Variants in TTLL7 observed in about 807,000 individuals in gnomAD.
TTLL7 encodes tubulin polyglutamylase TTLL7.
In TTLL7, 53 loss-of-function variants were observed where a neutral mutation model predicts 120.2. That is an observed-to-expected ratio of 0.44 (90% CI 0.35 to 0.55). The LOEUF is 0.55. Ranked by LOEUF, TTLL7 falls within the 20% of genes least tolerant of loss-of-function variation. The probability of loss-of-function intolerance (pLI) is 0.00; values close to 1 mark genes in which losing one functional copy is unlikely to be tolerated. For missense variants in TTLL7, 803 were observed against 1,054.7 expected (o/e 0.76, Z 3.31); for synonymous variants, 353 against 351.7 (o/e 1.00, Z -0.04).
chr1:83,956,378 G>A (rs1649515206), intron 1 of TTLL7, among the ~76,000 whole-genome samples: 1 of 150,212 alleles, frequency 6.7e-6, no homozygotes, highest in South Asian at 2.1e-4. Flanking sequence ...TTTCGCCTCA[G>A]CCTTCCAAAG....
chr1:83,907,304 A>G, intron 16 of TTLL7, 152 bp downstream of exon 16: 1 of 591,828 alleles, frequency 1.7e-6, no homozygotes. Flanking sequence ...ACTAAATTGT[A>G]GGCTAAGGTA....
Position 83,906,380 on chromosome 1 carries a change from C to A in TTLL7, c.2076G>T (p.Lys692Asn). The A allele has an allele frequency of 6.2e-7, 1 of 1,612,508 alleles. No individual in the cohort carries two copies. Among genetic ancestry groups the A allele is most frequent in the Non-Finnish European group, 8.5e-7 (1 of 1,179,102 alleles). ...SQTLFVLKDM[K>N]IRFPGKSDAE... ...CATCTGACTTTCCTGGAAACCGGAT[C>A]TTCATGTCTTTGAGAACAAATAAGG... The change falls in exon 17 of 21, where the codon AAG (lysine) becomes AAT (asparagine). Residue 692 changes from lysine (K) to asparagine (N), a missense_variant. Around this residue, in one of 3 missense-constraint regions of TTLL7, gnomAD observed 388 missense variants for 450.4 expected, o/e 0.86. Coordinates refer to ENST00000260505, the MANE Select transcript of TTLL7 (RefSeq NM_024686.6).
At chr1:83,899,001 A>G (rs1656479908) in intron 18 of TTLL7, among the ~76,000 whole-genome samples, 2 of 151,874 alleles carry the variant, frequency 1.3e-5, no homozygotes, top group Non-Finnish European at 2.9e-5. Context: ...CATGATGTGT[A>G]TATTTGTTAG....
At chr1:83,935,537 GT>G (rs35567530) in intron 8 of TTLL7, among the ~76,000 whole-genome samples, 64,235 of 149,474 alleles carry the variant, frequency 0.43, 15,233 homozygotes, top group Non-Finnish European at 0.54. Flanking sequence ...AGTAAGGATA[GT>G]TTTTTTTTTA....
intron 6 of TTLL7, among the ~76,000 whole-genome samples, chr1:83,945,198 C>A (rs1011477926): frequency 6.6e-6 from 1 of 152,100 alleles, no homozygotes. Flanking sequence ...CAATAAAAGG[C>A]AGAGCTTGGC....
At chr1:83,928,965 C>G (rs544573735) in intron 10 of TTLL7, among the ~76,000 whole-genome samples, 171 bp downstream of exon 10, 1 of 150,050 alleles carries the variant, frequency 6.7e-6, no homozygotes, top group Non-Finnish European at 1.5e-5. Flanking sequence ...ATGAAAAATA[C>G]AAAATGGATG....
At chr1:83,935,059 CA>C (rs1348351296) in intron 8 of TTLL7, among the ~76,000 whole-genome samples, 3 of 152,034 alleles carry the variant, frequency 2.0e-5, no homozygotes, top group African/African-American at 7.2e-5. Context: ...CACTGTTACC[CA>C]GAACCACAAT....
In TTLL7 at chr1:83,933,712, G is replaced by C; in HGVS notation, c.943C>G (p.Arg315Gly). 6.2e-7 allele frequency: 1 copy of C among 1,613,558 alleles called. No homozygotes were observed. The highest frequency in any genetic ancestry group is 1.1e-5 in the South Asian group (1 of 91,040). ...GGAGGTTGACCAGGTCTACACATTC[G>C]ATAGGCATGCAGGACATGAGGTTCT... Reference protein sequence around the residue: ...VAEPHVLHAYRMCRPGQPPGS... With the variant: ...VAEPHVLHAYGMCRPGQPPGS... Residue 315 changes from arginine (R) to glycine (G), a missense_variant, in exon 9 of 21, where the codon CGA (arginine) becomes GGA (glycine). By Grantham distance (125) the Arg-to-Gly change is moderately radical (BLOSUM62 -2). Coordinates refer to ENST00000260505, the MANE Select transcript of TTLL7 (RefSeq NM_024686.6).
chr1:83,960,950 A>G (rs1470265480), intron 1 of TTLL7, among the ~76,000 whole-genome samples: 1 of 152,156 alleles, frequency 6.6e-6, no homozygotes, highest in African/African-American at 2.4e-5. Context: ...CCCATTACCC[A>G]AAGCTGGATC....
Position 83,948,669 on chromosome 1 carries a change from C to T in TTLL7, c.306G>A (p.Gly102=). ...CTAAGAAATCCTTCCTACAGATCTCCCCCATTCCTGGAAAATGGTTGATCC... is the reference window on the plus strand; with the variant it reads ...CTAAGAAATCCTTCCTACAGATCTCTCCCATTCCTGGAAAATGGTTGATCC... ...YQRINHFPGM[G]EICRKDFLAR... The change falls in exon 5 of 21, where the codon GGG becomes GGA. Residue 102 remains glycine (G), a synonymous_variant. Transcript: ENST00000260505. 1 of 1,610,268 alleles carries T rather than the reference C, an allele frequency of 6.2e-7. No homozygotes were observed. The highest frequency in any genetic ancestry group is 8.5e-7 in the Non-Finnish European group (1 of 1,177,444).
At chr1:83,948,160 A>G (rs1648690689) in intron 5 of TTLL7, among the ~76,000 whole-genome samples, 1 of 147,520 alleles carries the variant, frequency 6.8e-6, no homozygotes, top group African/African-American at 2.5e-5. Flanking sequence ...TAAATGCTCA[A>G]TCACCAATAT....
chr1:83,971,580 T>G (rs1463652845), intron 1 of TTLL7, among the ~76,000 whole-genome samples: 2 of 152,114 alleles, frequency 1.3e-5, no homozygotes, highest in African/African-American at 2.4e-5. Context: ...AGTTTCCTAC[T>G]GCTGGAATCT....
intron 1 of TTLL7, among the ~76,000 whole-genome samples, chr1:83,985,135 A>T (rs537371131): frequency 7.2e-4 from 110 of 152,258 alleles, no homozygotes; most frequent in Non-Finnish European, 7.8e-4. Flanking sequence ...TAAGCTGGGG[A>T]AGACAGAAGC....
At chr1:83,979,814 G>A (rs903753188) in intron 1 of TTLL7, 1 of 152,138 alleles carries the variant, frequency 6.6e-6, no homozygotes. Flanking sequence ...GGGTAATCCC[G>A]AGAAGGCTTT....
intron 18 of TTLL7, among the ~76,000 whole-genome samples, chr1:83,896,823 C>T (rs1318799296): frequency 2.6e-5 from 4 of 152,072 alleles, no homozygotes; most frequent in Non-Finnish European, 5.9e-5. Context: ...TTAGGTATCA[C>T]ATCAGATAAT....
At chr1:83,923,486 C>G (rs978681402) in intron 10 of TTLL7, among the ~76,000 whole-genome samples, 12 of 152,008 alleles carry the variant, frequency 7.9e-5, no homozygotes, top group African/African-American at 2.9e-4. Context: ...ATATGAATAT[C>G]TACAGCAAAC....
At chr1:83,948,442 A>T (rs150731374) in intron 5 of TTLL7, among the ~76,000 whole-genome samples, 186 bp downstream of exon 5, 1 of 152,232 alleles carries the variant, frequency 6.6e-6, no homozygotes, top group East Asian at 1.9e-4. Flanking sequence ...TCTGACCCTC[A>T]TTTACCTCCT....
chr1:83,890,234 A>G, intron 19 of TTLL7, 87 bp downstream of exon 19: 2 of 1,320,352 alleles, frequency 1.5e-6, no homozygotes, highest in Non-Finnish European at 2.1e-6. Context: ...ATTTTAAAAG[A>G]TCATTCAAGC....
chr1:83,923,536 T>G (rs144680154), intron 10 of TTLL7, among the ~76,000 whole-genome samples: 70 of 152,106 alleles, frequency 4.6e-4, no homozygotes, highest in African/African-American at 1.6e-3. Context: ...ACAAACAGTT[T>G]GAACACACAC....
Sources: gnomAD v4.1 joint callset for allele counts (sites outside exome capture counted in the v4.1 genomes callset) on GRCh38, gnomAD v4.1.1 for gene constraint, gnomAD v4.1.1 regional missense constraint, MANE v1.5 for transcripts, NCBI Gene and HGNC (gene_info 2026-07-23, HGNC 2026-07-21) for gene names.